Variants in FGF23 observed in about 807,000 individuals in gnomAD.
FGF23 encodes fibroblast growth factor 23, also known as phosphatonin.
FGF23 carries 8 observed loss-of-function variants against 9.0 expected under a neutral mutation model. The observed-to-expected ratio is 0.89, with a 90% CI of 0.52 to 1.60. The LOEUF (loss-of-function observed/expected upper bound fraction) is 1.60. Ranked by LOEUF, FGF23 falls within the 40% of genes most tolerant of loss-of-function variation. The probability of loss-of-function intolerance (pLI) is 0.00; values close to 1 mark genes in which losing one functional copy is unlikely to be tolerated. For synonymous variants in FGF23, 118 were observed against 146.2 expected (o/e 0.81, Z 1.39); for missense variants, 311 against 344.3 (o/e 0.90, Z 0.77).
intron 1 of FGF23, among the ~76,000 whole-genome samples, chr12:4,377,299 C>G (rs756324652): frequency 2.0e-5 from 3 of 151,974 alleles, no homozygotes; most frequent in Non-Finnish European, 2.9e-5. Flanking sequence ...CTTTCAGCAA[C>G]GGGATTCCAG....
Position 4,379,370 on chromosome 12 carries a change from A to G in FGF23, c.211+2T>C, listed in dbSNP as rs1865152846. 1 of 1,609,674 alleles carries G rather than the reference A, an allele frequency of 6.2e-7. No individual in the cohort carries two copies. The highest frequency in any genetic ancestry group is 1.1e-5 in the South Asian group (1 of 91,052). On this transcript the variant is annotated splice_donor_variant, in intron 1 of 2. Transcript: ENST00000237837. LOFTEE classifies it high-confidence loss of function. ...TTCTTCCCAGCCTGAAGCCCTACTC[A>G]CTGTAGATGGTCTGATGGGGTGCGC...
intron 1 of FGF23, among the ~76,000 whole-genome samples, chr12:4,377,666 G>A (rs1015046153): frequency 4.7e-5 from 7 of 150,288 alleles, no homozygotes; most frequent in Admixed American, 1.3e-4. Context: ...TCCTGACCTC[G>A]TGATCTGCCT....
chr12:4,372,847 C>T, intron 1 of FGF23, 150 bp from the exon 2 acceptor site: 1 of 703,512 alleles, frequency 1.4e-6, no homozygotes, highest in South Asian at 1.5e-5. Flanking sequence ...CTCATTTCTG[C>T]ATATTCAGCG....
chr12:4,370,929 C>A (rs1865058289), intron 2 of FGF23, 146 bp from the exon 3 acceptor site: 1 of 750,428 alleles, frequency 1.3e-6, no homozygotes, highest in East Asian at 2.6e-5. Context: ...TTGTTCCCTG[C>A]TGGGGTAGAG....
At chr12:4,378,651 C>T (rs1276685862) in intron 1 of FGF23, among the ~76,000 whole-genome samples, 2 of 152,090 alleles carry the variant, frequency 1.3e-5, no homozygotes, top group East Asian at 3.8e-4. Flanking sequence ...CCTTTCAGTT[C>T]CACAGAGAAG....
At chr12:4,373,720 G>A (rs961630313) in intron 1 of FGF23, among the ~76,000 whole-genome samples, 7 of 152,124 alleles carry the variant, frequency 4.6e-5, no homozygotes, top group South Asian at 4.1e-4. Context: ...TGTAACATGC[G>A]TGATAATTCA....
Position 4,370,136 on chromosome 12 carries a change from T to C in FGF23, c.*207A>G, listed in dbSNP as rs963355047. The C allele has an allele frequency of 8.4e-6, 5 of 593,408 alleles. No homozygotes were observed. Among genetic ancestry groups the C allele is most frequent in the Non-Finnish European group, 1.5e-5 (5 of 332,220 alleles). The allele number at this position is 593,408 out of a possible 1,614,324, so 36.8% of individuals were successfully genotyped here. A position where few individuals can be genotyped will look rare whatever the true frequency, so the allele number is the denominator to read the frequency against. The stretch of plus-strand genomic sequence containing the variant: ...TTCCTATTGGGAAAGGTGTTCTATA[T>C]GGAGTGAGGAAGGCGGTGAAACCCC... On this transcript the variant is annotated 3_prime_UTR_variant, in exon 3 of 3. Coordinates refer to ENST00000237837, the MANE Select transcript of FGF23 (RefSeq NM_020638.3).
Position 4,370,540 on chromosome 12 carries a change from G to C in FGF23, c.559C>G (p.Arg187Gly), listed in dbSNP as rs190841442. 7.7e-5 allele frequency: 125 copies of C among 1,613,192 alleles called. No individual in the cohort carries two copies. The East Asian group carries it at 1.7e-3, about 22-fold the overall frequency. Residue 187 changes from arginine to glycine, a missense_variant, in exon 3 of 3, where the codon CGG (arginine) becomes GGG (glycine). Physicochemically the swap from Arg to Gly is moderately radical, Grantham distance 125 (BLOSUM62 -2). Coordinates refer to ENST00000237837, the MANE Select transcript of FGF23 (RefSeq NM_020638.3). ...HTRSAEDDSERDPLNVLKPRA... is the reference protein window; with the variant it reads ...HTRSAEDDSEGDPLNVLKPRA... ...GGCTTCAGCACGTTCAGGGGGTCCC[G>C]CTCCGAGTCGTCCTCGGCGCTCCGG...
At chr12:4,376,310 C>T (rs1477889613) in intron 1 of FGF23, among the ~76,000 whole-genome samples, 2 of 152,092 alleles carry the variant, frequency 1.3e-5, no homozygotes, top group Admixed American at 6.5e-5. Flanking sequence ...GCACTCAACT[C>T]TTAAGAATTT....
At chr12:4,372,250 A>G (rs914345689) in intron 2 of FGF23, among the ~76,000 whole-genome samples, 28 of 150,966 alleles carry the variant, frequency 1.9e-4, no homozygotes, top group African/African-American at 6.8e-4. Context: ...TGGGTGCAGC[A>G]CACCAGCATG....
intron 1 of FGF23, among the ~76,000 whole-genome samples, chr12:4,374,847 A>C (rs1261150253): frequency 6.6e-6 from 1 of 152,188 alleles, no homozygotes; most frequent in Non-Finnish European, 1.5e-5. Flanking sequence ...TCCTAATTTA[A>C]GTGATAAGGA....
rs1374933583 is a variant in FGF23, at chr12:4,369,331, C to T, written c.*1012G>A. The stretch of plus-strand genomic sequence containing the variant: ...CACAGAAAACCTAACCCAGAGCAGT[C>T]CCAGTCTCTCAAAGCCCCCTTCCCA... On this transcript the variant is annotated 3_prime_UTR_variant, in exon 3 of 3. Coordinates refer to ENST00000237837, the MANE Select transcript of FGF23 (RefSeq NM_020638.3). 1 of 231,716 alleles carries T rather than the reference C, an allele frequency of 4.3e-6. No individual in the cohort carries two copies. The highest frequency in any genetic ancestry group is 6.1e-5 in the East Asian group (1 of 16,392). The allele number at this position is 231,716 out of a possible 1,614,324, so 14.4% of individuals were successfully genotyped here.
intron 1 of FGF23, among the ~76,000 whole-genome samples, chr12:4,376,669 G>A (rs1279594425): frequency 6.6e-6 from 1 of 151,938 alleles, no homozygotes; most frequent in African/African-American, 2.4e-5. Flanking sequence ...CTACAGGCAG[G>A]CACCACACCC....
At chr12:4,375,038 T>C (rs13312778) in intron 1 of FGF23, among the ~76,000 whole-genome samples, 2,990 of 152,212 alleles carry the variant, frequency 0.02, 103 homozygotes, top group African/African-American at 0.069. Flanking sequence ...CTGAGCCAGG[T>C]GCCAAGAACC....
At chr12:4,377,585 C>T (rs1034343037) in intron 1 of FGF23, among the ~76,000 whole-genome samples, 6 of 147,300 alleles carry the variant, frequency 4.1e-5, no homozygotes, top group African/African-American at 9.9e-5. Flanking sequence ...CGCCTGCCAC[C>T]ACGCCTGGCT....
At chr12:4,370,908 C>G in intron 2 of FGF23, 125 bp from the exon 3 acceptor site, 1 of 805,954 alleles carries the variant, frequency 1.2e-6, no homozygotes, top group South Asian at 1.4e-5. Flanking sequence ...GGGCGTTGAG[C>G]CTTCACCCCT....
rs1459493249 is a variant in FGF23, at chr12:4,370,357, C to T, written c.742G>A (p.Ala248Thr). Reference sequence around the variant, plus strand: ...TTCCAGCGACCCTAGATGAACTTGGCGAAGGGGCGGCAGCCTTCCGGGCCC... The same window carrying T: ...TTCCAGCGACCCTAGATGAACTTGGTGAAGGGGCGGCAGCCTTCCGGGCCC... ...GTGPEGCRPF[A>T]KFI Residue 248 changes from alanine to threonine, a missense_variant, in exon 3 of 3, where the codon GCC (alanine) becomes ACC (threonine). Ala to Thr is a moderately conservative substitution (Grantham distance 58). Coordinates refer to ENST00000237837, the MANE Select transcript of FGF23 (RefSeq NM_020638.3). 7.4e-6 allele frequency: 12 copies of T among 1,613,238 alleles called. No homozygotes were observed. The highest frequency in any genetic ancestry group is 1.3e-5 in the African/African-American group (1 of 74,866).
rs749770315 is a variant in FGF23, at chr12:4,370,463, G to A, written c.636C>T (p.Ser212=). The A allele has an allele frequency of 6.2e-7, 1 of 1,612,944 alleles. No homozygotes were observed. The highest frequency in any genetic ancestry group is 8.5e-7 in the Non-Finnish European group (1 of 1,179,410). ...TGGCCATCGGGCTGTTGTCCTCGGC[G>A]CTCGGGAGCTCCTGTGAACAGGAGG... ...APASCSQELP[S]AEDNSPMASD... Residue 212 remains serine, a synonymous_variant, in exon 3 of 3, where the codon AGC becomes AGT. Transcript: ENST00000237837.
intron 1 of FGF23, among the ~76,000 whole-genome samples, chr12:4,376,623 G>A (rs1303890763): frequency 6.6e-6 from 1 of 152,044 alleles, no homozygotes; most frequent in Non-Finnish European, 1.5e-5. Flanking sequence ...TGGGGTACAA[G>A]CGATTCTTCT....
Sources: allele counts gnomAD v4.1 joint callset (sites outside exome capture counted in the v4.1 genomes callset), GRCh38; gene constraint gnomAD v4.1.1; transcripts MANE v1.5; gene names NCBI Gene and HGNC (gene_info 2026-07-23, HGNC 2026-07-21).